Variants in FOCAD observed in about 807,000 individuals in gnomAD.
FOCAD encodes the protein focadhesin.
A neutral mutation model predicts 225.6 loss-of-function variants in FOCAD; 198 were observed. The observed-to-expected ratio is 0.88, with a 90% CI of 0.78 to 0.99. The LOEUF is 0.99. FOCAD is among the 50% of genes least tolerant of loss of function. FOCAD has a pLI of 0.00. For synonymous variants in FOCAD, 897 were observed against 755.0 expected, an observed-to-expected ratio of 1.19 and a Z score of -3.08; for missense variants, 2,713 against 2,123.6, an observed-to-expected ratio of 1.28 and a Z score of -5.46.
chr9:20,797,129 A>T (rs1345790777), intron 11 of FOCAD, among the ~76,000 whole-genome samples: 1 of 152,024 alleles, frequency 6.6e-6, no homozygotes. Flanking sequence ...ATAGTTGTAG[A>T]TGTGTGGCAT....
At chr9:20,932,900 TAAGAG>T in intron 27 of FOCAD, 109 bp from the exon 28 acceptor site, 1 of 737,160 alleles carries the variant, frequency 1.4e-6, no homozygotes, top group Admixed American at 2.6e-5. Context: ...CTTTTTTTTT[TAAGAG>T]AAATGCTGGT....
intron 35 of FOCAD, among the ~76,000 whole-genome samples, chr9:20,961,689 A>T (rs1838745351): frequency 6.6e-6 from 1 of 152,160 alleles, no homozygotes. Context: ...TCTGACAGTA[A>T]GAAACTTGAC....
chr9:20,739,329 C>T (rs1201634731), intron 4 of FOCAD, among the ~76,000 whole-genome samples: 1 of 152,266 alleles, frequency 6.6e-6, no homozygotes, highest in East Asian at 1.9e-4. Flanking sequence ...TTTGGCTGGG[C>T]ACAGTGGCTC....
At chr9:20,962,946 C>T (rs192035325) in intron 35 of FOCAD, among the ~76,000 whole-genome samples, 1 of 152,304 alleles carries the variant, frequency 6.6e-6, no homozygotes, top group Admixed American at 6.5e-5. Context: ...TTATCCAGTG[C>T]TAAAGATCTC....
Position 20,789,388 on chromosome 9 carries a change from A to T in FOCAD, c.1235A>T (p.Tyr412Phe), listed in dbSNP as rs772043798. The T allele has an allele frequency of 6.2e-7, 1 of 1,614,014 alleles. No individual in the cohort carries two copies. Among genetic ancestry groups the T allele is most frequent in the Non-Finnish European group, 8.5e-7 (1 of 1,179,942 alleles). ...YKLVCPVTSM[Y>F]GTIFTAWRIL... ...CTTGTGTGCCCTGTAACCAGTATGT[A>T]TGGTACAATATTTACAGCCTGGAGG... The change falls in exon 11 of 44, where the codon TAT (tyrosine) becomes TTT (phenylalanine). Residue 412 changes from tyrosine (Y) to phenylalanine (F), a missense_variant. Tyr to Phe is a conservative substitution (Grantham distance 22, BLOSUM62 3). Coordinates refer to ENST00000338382, the MANE Select transcript of FOCAD (RefSeq NM_001375567.1).
chr9:20,770,846 T>C (rs1372740738), intron 8 of FOCAD, among the ~76,000 whole-genome samples: 1 of 152,214 alleles, frequency 6.6e-6, no homozygotes, highest in Non-Finnish European at 1.5e-5. Context: ...CTTCGGATCA[T>C]CAATTAAAGA....
At chr9:20,739,437 C>G (rs1028039610) in intron 4 of FOCAD, among the ~76,000 whole-genome samples, 2 of 152,000 alleles carry the variant, frequency 1.3e-5, no homozygotes, top group Non-Finnish European at 1.5e-5. Context: ...AACCTTGTCT[C>G]TACTAAAAAT....
At chr9:20,721,900 C>CTTCCTCT (rs1825804822) in intron 4 of FOCAD, among the ~76,000 whole-genome samples, 1 of 77,902 alleles carries the variant, frequency 1.3e-5, no homozygotes, top group African/African-American at 5.2e-5. Context: ...TCCCCCTCCC[C>CTTCCTCT]TCCCTTTCCT....
chr9:20,748,246 C>A (rs1828233945), intron 5 of FOCAD, among the ~76,000 whole-genome samples: 1 of 152,082 alleles, frequency 6.6e-6, no homozygotes, highest in Non-Finnish European at 1.5e-5. Context: ...TAACAACTTA[C>A]ACTCAGGGAG....
chr9:20,901,192 A>AGTGTGTGTGTG (rs1832528693), intron 21 of FOCAD, among the ~76,000 whole-genome samples: 112 of 105,756 alleles, frequency 1.1e-3, no homozygotes, highest in African/African-American at 3.4e-3. Flanking sequence ...TGTGGAAACA[A>AGTGTGTGTGTG]TGTGTGTGTG....
intron 5 of FOCAD, among the ~76,000 whole-genome samples, chr9:20,757,357 T>G (rs1427290809): frequency 2.0e-5 from 3 of 152,260 alleles, no homozygotes. Context: ...TTTTGAACTA[T>G]TTAAAATAAC....
chr9:20,965,408 C>T (rs1043858736), intron 35 of FOCAD, among the ~76,000 whole-genome samples: 1 of 152,120 alleles, frequency 6.6e-6, no homozygotes, highest in Non-Finnish European at 1.5e-5. Flanking sequence ...AGAAAGATAT[C>T]AGGCGCCAAG....
At position 20,720,427 on chromosome 9, in the gene FOCAD, A is replaced by C; in HGVS notation, c.180A>C (p.Val60=). 6.2e-7 allele frequency: 1 copy of C among 1,614,068 alleles called. No individual in the cohort carries two copies. The highest frequency in any genetic ancestry group is 1.1e-5 in the South Asian group (1 of 91,078). ...GGGAGAAGTGTTGCAGTGACAATGT[A>C]GTGGTTCGAACAGCCTGCTGTGAAG... The part of the protein sequence containing the change: ...LLWEKCCSDN[V]VVRTACCEGL... Residue 60 remains valine (V), a synonymous_variant, in exon 4 of 44, where the codon GTA becomes GTC. Coordinates refer to ENST00000338382, the MANE Select transcript of FOCAD (RefSeq NM_001375567.1).
chr9:20,934,726 T>C (rs7466722), intron 28 of FOCAD, among the ~76,000 whole-genome samples: 57,385 of 151,808 alleles, frequency 0.38, 11,037 homozygotes, highest in East Asian at 0.47. Flanking sequence ...TATGTGGACT[T>C]CTTCAGAAAG....
At position 20,923,727 on chromosome 9, in the gene FOCAD, C is replaced by G; in HGVS notation, c.2920C>G (p.His974Asp). 6.2e-7 allele frequency: 1 copy of G among 1,614,030 alleles called. No individual in the cohort carries two copies. The highest frequency in any genetic ancestry group is 8.5e-7 in the Non-Finnish European group (1 of 1,179,962). Residue 974 changes from histidine to aspartate, a missense_variant, in exon 25 of 44, where the codon CAT becomes GAT. His to Asp is a moderately conservative substitution (Grantham distance 81, BLOSUM62 -1). Coordinates refer to ENST00000338382, the MANE Select transcript of FOCAD (RefSeq NM_001375567.1). ...LSSLAVVVSR[H>D]EASLSSDSDG... is the part of the protein sequence containing the mutation. ...CAGCCTTGCTGTCGTCGTATCTAGA[C>G]ATGAAGCCAGCCTCTCCTCAGACTC...
chr9:20,926,121 G>GCT (rs1834916602), intron 25 of FOCAD, among the ~76,000 whole-genome samples, 180 bp from the exon 26 acceptor site: 3 of 149,836 alleles, frequency 2.0e-5, no homozygotes, highest in Non-Finnish European at 4.5e-5. Flanking sequence ...AGGTGAGGAT[G>GCT]TATATTTGTC....
At chr9:20,834,729 G>A (rs1351582778) in intron 15 of FOCAD, among the ~76,000 whole-genome samples, 1 of 152,020 alleles carries the variant, frequency 6.6e-6, no homozygotes, top group African/African-American at 2.4e-5. Flanking sequence ...AGATAGACCA[G>A]AAAGGGACAG....
intron 5 of FOCAD, among the ~76,000 whole-genome samples, chr9:20,740,838 A>G (rs1025997241): frequency 2.0e-5 from 3 of 152,166 alleles, no homozygotes; most frequent in African/African-American, 7.2e-5. Flanking sequence ...AATTGTTTTA[A>G]AAAAATAAAA....
intron 8 of FOCAD, among the ~76,000 whole-genome samples, chr9:20,775,285 G>T (rs1372242904): frequency 2.0e-5 from 3 of 152,104 alleles, no homozygotes; most frequent in Non-Finnish European, 2.9e-5. Context: ...GATGTACCCT[G>T]ACCAGCAAAA....
Sources: allele counts gnomAD v4.1 joint callset (sites outside exome capture counted in the v4.1 genomes callset), GRCh38; gene constraint gnomAD v4.1.1; transcripts MANE v1.5; gene names NCBI Gene and HGNC (gene_info 2026-07-23, HGNC 2026-07-21).